PRKCB: variants seen among roughly 807,000 people sequenced by gnomAD.
PRKCB encodes the protein protein kinase C beta.
In PRKCB, 13 loss-of-function variants were observed where a neutral mutation model predicts 81.5. The observed-to-expected ratio is 0.16, with a 90% CI of 0.10 to 0.25. The LOEUF is 0.25. PRKCB is among the 10% of genes least tolerant of loss of function. The probability of loss-of-function intolerance (pLI) is 1.00; values close to 1 mark genes in which losing one functional copy is unlikely to be tolerated. For missense variants in PRKCB, 509 were observed against 875.7 expected, an observed-to-expected ratio of 0.58 and a Z score of 5.29; for synonymous variants, 335 against 321.4, an observed-to-expected ratio of 1.04 and a Z score of -0.45.
intron 10 of PRKCB, among the ~76,000 whole-genome samples, chr16:24,163,303 C>T (rs1036258533): frequency 6.6e-6 from 1 of 152,200 alleles, no homozygotes; most frequent in Non-Finnish European, 1.5e-5. Flanking sequence ...GTGGTACAAA[C>T]ATGGCATCAT....
chr16:24,144,126 GGAGA>G (rs1316359745), intron 9 of PRKCB, among the ~76,000 whole-genome samples: 3 of 151,580 alleles, frequency 2.0e-5, no homozygotes, highest in Admixed American at 6.6e-5. Flanking sequence ...AGAGAAAGTA[GGAGA>G]GAGAGAAAGA....
At chr16:24,019,009 G>A (rs571269061) in intron 3 of PRKCB, among the ~76,000 whole-genome samples, 6 of 152,130 alleles carry the variant, frequency 3.9e-5, no homozygotes, top group Non-Finnish European at 5.9e-5. Flanking sequence ...TGTTACTCAC[G>A]GTGGTAGTAC....
At chr16:24,181,287 G>A (rs1444873033) in intron 13 of PRKCB, among the ~76,000 whole-genome samples, 1 of 152,160 alleles carries the variant, frequency 6.6e-6, no homozygotes. Context: ...TATCCCCTGG[G>A]CTGGCATATG....
At chr16:23,923,224 G>A (rs955650899) in intron 2 of PRKCB, among the ~76,000 whole-genome samples, 3 of 152,002 alleles carry the variant, frequency 2.0e-5, no homozygotes, top group Admixed American at 2.0e-4. Flanking sequence ...CTGCCTTCAG[G>A]TATTGTCTGA....
Position 24,220,187 on chromosome 16 carries a change from C to A in PRKCB, c.*5371C>A. On this transcript the variant is annotated 3_prime_UTR_variant, in exon 17 of 17. Transcript: ENST00000643927. ...AGCGTATGTATCAATTCTAGTCTTC[C>A]AGGATTCACGGTGCACATGCTGGCA... 1 of 1,561,864 alleles carries A rather than the reference C, an allele frequency of 6.4e-7. No individual in the cohort carries two copies. The highest frequency in any genetic ancestry group is 1.2e-5 in the South Asian group (1 of 86,190).
At chr16:23,861,893 G>A (rs1302753103) in intron 2 of PRKCB, among the ~76,000 whole-genome samples, 2 of 152,126 alleles carry the variant, frequency 1.3e-5, no homozygotes, top group East Asian at 3.8e-4. Context: ...TTGAAATTTT[G>A]TTTTGTTAGA....
intron 2 of PRKCB, among the ~76,000 whole-genome samples, chr16:23,960,996 ATTC>A (rs1377399797): frequency 2.0e-5 from 3 of 152,142 alleles, no homozygotes; most frequent in African/African-American, 7.2e-5. Context: ...ACGTAATAGA[ATTC>A]TTCTACTTCT....
chr16:24,163,138 A>G (rs1376329012), intron 10 of PRKCB, among the ~76,000 whole-genome samples: 1 of 152,186 alleles, frequency 6.6e-6, no homozygotes, highest in East Asian at 1.9e-4. Flanking sequence ...TCCTGGCCCA[A>G]TCAGCTGGCA....
At chr16:24,039,660 G>A (rs1470819860) in intron 5 of PRKCB, among the ~76,000 whole-genome samples, 1 of 152,184 alleles carries the variant, frequency 6.6e-6, no homozygotes, top group Non-Finnish European at 1.5e-5. Flanking sequence ...CCCAGGTGAG[G>A]AGGCTTCTGT....
intron 2 of PRKCB, among the ~76,000 whole-genome samples, chr16:23,854,673 A>G (rs987348750): frequency 1.3e-5 from 2 of 152,208 alleles, no homozygotes; most frequent in African/African-American, 2.4e-5. Context: ...TTCCCTGGTC[A>G]AAGCAAATCA....
chr16:24,089,814 G>A (rs555166971), intron 5 of PRKCB, among the ~76,000 whole-genome samples: 85 of 150,702 alleles, frequency 5.6e-4, no homozygotes, highest in African/African-American at 1.7e-3. Flanking sequence ...CAACAAAAAC[G>A]TAGTGAAAGA....
intron 10 of PRKCB, among the ~76,000 whole-genome samples, chr16:24,171,002 T>C (rs908582095): frequency 6.6e-6 from 1 of 152,254 alleles, no homozygotes; most frequent in African/African-American, 2.4e-5. Context: ...CCTTCCTAGA[T>C]TACTGTTTTT....
chr16:23,863,235 T>C (rs1375288576), intron 2 of PRKCB, among the ~76,000 whole-genome samples: 65 of 52,768 alleles, frequency 1.2e-3, no homozygotes, highest in African/African-American at 4.0e-3. Flanking sequence ...TATGTGTATA[T>C]ATATACATAT....
chr16:24,020,793 GAC>G (rs1339178110), intron 3 of PRKCB, among the ~76,000 whole-genome samples: 1 of 152,174 alleles, frequency 6.6e-6, no homozygotes, highest in African/African-American at 2.4e-5. Flanking sequence ...GTCCAGGGAT[GAC>G]ACAGTCTGAA....
At chr16:24,201,578 T>C (rs771514552) in intron 16 of PRKCB, among the ~76,000 whole-genome samples, 5 of 152,176 alleles carry the variant, frequency 3.3e-5, no homozygotes, top group Non-Finnish European at 5.9e-5. Flanking sequence ...AATTGCTCAC[T>C]GCACCAGGGG....
At chr16:24,111,142 CTT>C (rs1270959749) in intron 7 of PRKCB, 4 of 152,096 alleles carry the variant, frequency 2.6e-5, no homozygotes, top group Non-Finnish European at 5.9e-5. Context: ...CAGATGCTCT[CTT>C]GTTTTTATAT....
chr16:24,054,543 GAA>G (rs1965881659), intron 5 of PRKCB, among the ~76,000 whole-genome samples: 1 of 152,172 alleles, frequency 6.6e-6, no homozygotes, highest in African/African-American at 2.4e-5. Flanking sequence ...TATTTTATAT[GAA>G]GAGACAATCC....
chr16:23,999,572 C>G lies in PRKCB; in HGVS notation c.288+10982C>G, dbSNP rs376389346. On this transcript the variant is annotated intron_variant, in intron 3 of 16. Coordinates refer to ENST00000643927, the MANE Select transcript of PRKCB (RefSeq NM_002738.7). ...TGTGGCAGAGTTCATGGATGATGCT[C>G]CTGGTCACCCACAGTCATCCTTCTT... Among the ~76,000 whole-genome samples the G allele has an allele frequency of 2.6e-4, 40 of 152,298 alleles. 1 individual carries two copies. In the South Asian group the frequency reaches 7.1e-3, roughly 27 times the overall value.
At chr16:23,844,529 C>T (rs1333031512) in intron 2 of PRKCB, among the ~76,000 whole-genome samples, 10 of 152,086 alleles carry the variant, frequency 6.6e-5, no homozygotes, top group Non-Finnish European at 1.3e-4. Context: ...TTTTTTGAGA[C>T]GGAGTCTTGC....
Sources: allele counts gnomAD v4.1 joint callset (sites outside exome capture counted in the v4.1 genomes callset), GRCh38; gene constraint gnomAD v4.1.1; transcripts MANE v1.5; gene names NCBI Gene and HGNC (gene_info 2026-07-23, HGNC 2026-07-21).